DOCK3: variants seen among roughly 807,000 people sequenced by gnomAD.
DOCK3 encodes dedicator of cytokinesis 3.
Under a neutral mutation model 265.6 loss-of-function variants are expected in DOCK3, and 60 were observed. The observed-to-expected ratio is 0.23, with a 90% CI of 0.18 to 0.28. The LOEUF is 0.28. Ranked by LOEUF, DOCK3 falls within the 10% of genes least tolerant of loss-of-function variation. The probability of loss-of-function intolerance (pLI) is 1.00; values close to 1 mark genes in which losing one functional copy is unlikely to be tolerated. For synonymous variants in DOCK3, 881 were observed against 938.0 expected, an observed-to-expected ratio of 0.94 and a Z score of 1.11; for missense variants, 1,981 against 2,594.3, an observed-to-expected ratio of 0.76 and a Z score of 5.14.
intron 44 of DOCK3, 127 bp downstream of exon 44, chr3:51,357,268 C>A: frequency 9.3e-7 from 1 of 1,075,620 alleles, no homozygotes; most frequent in Non-Finnish European, 1.3e-6. Context: ...TGACATGGTC[C>A]TGGAATGAGG....
chr3:50,870,523 T>C (rs2047384376), intron 3 of DOCK3, among the ~76,000 whole-genome samples: 1 of 152,110 alleles, frequency 6.6e-6, no homozygotes. Context: ...GTGCTTCTTG[T>C]AAGCAAAAAA....
intron 27 of DOCK3, among the ~76,000 whole-genome samples, chr3:51,301,945 A>G (rs985442061): frequency 6.6e-6 from 1 of 152,078 alleles, no homozygotes; most frequent in Non-Finnish European, 1.5e-5. Context: ...TACCAGGTCC[A>G]TGTGATCCAG....
chr3:51,079,020 T>C (rs577954957), intron 7 of DOCK3, among the ~76,000 whole-genome samples: 21 of 152,346 alleles, frequency 1.4e-4, no homozygotes, highest in African/African-American at 4.8e-4. Context: ...ATATGTTAAA[T>C]TGCACAGTAA....
chr3:50,880,125 T>C (rs2047945212), intron 3 of DOCK3, among the ~76,000 whole-genome samples: 3 of 152,118 alleles, frequency 2.0e-5, no homozygotes, highest in African/African-American at 4.8e-5. Context: ...GGAACACATT[T>C]AAAGCAGTGT....
At chr3:50,710,954 T>C (rs1384962225) in intron 1 of DOCK3, among the ~76,000 whole-genome samples, 1 of 152,116 alleles carries the variant, frequency 6.6e-6, no homozygotes, top group Admixed American at 6.6e-5. Flanking sequence ...AGCTAAGCCA[T>C]GAGGATGTAA....
At chr3:50,843,392 C>A (rs1322339513) in intron 3 of DOCK3, among the ~76,000 whole-genome samples, 1 of 152,132 alleles carries the variant, frequency 6.6e-6, no homozygotes, top group Admixed American at 6.5e-5. Flanking sequence ...AACCAGACTT[C>A]TCTATGTAGT....
chr3:51,352,257 C>G (rs1325093732), intron 40 of DOCK3, among the ~76,000 whole-genome samples: 6 of 152,066 alleles, frequency 3.9e-5, no homozygotes, highest in Non-Finnish European at 7.4e-5. Flanking sequence ...TGTATAGATC[C>G]ACAATTTGTA....
chr3:50,870,910 C>T (rs1216456318), intron 3 of DOCK3, among the ~76,000 whole-genome samples: 1 of 152,042 alleles, frequency 6.6e-6, no homozygotes, highest in Non-Finnish European at 1.5e-5. Context: ...CACTTTAATT[C>T]CCCTGCTTTT....
chr3:50,984,310 T>C (rs941051561), intron 5 of DOCK3, among the ~76,000 whole-genome samples: 18 of 152,348 alleles, frequency 1.2e-4, no homozygotes, highest in African/African-American at 4.3e-4. Context: ...GTTTGCTTGC[T>C]CTACCAGGGA....
intron 5 of DOCK3, among the ~76,000 whole-genome samples, chr3:50,982,717 G>A (rs1263319220): frequency 2.0e-5 from 3 of 152,196 alleles, no homozygotes; most frequent in Non-Finnish European, 4.4e-5. Context: ...CACTGCCCTC[G>A]GGGTCACTGC....
At chr3:51,084,845 T>G (rs1048996795) in intron 7 of DOCK3, among the ~76,000 whole-genome samples, 1 of 152,176 alleles carries the variant, frequency 6.6e-6, no homozygotes, top group Non-Finnish European at 1.5e-5. Flanking sequence ...CAACCTTGAA[T>G]ATGAACTGTT....
At chr3:51,354,831 G>A in intron 40 of DOCK3, 51 bp from the exon 41 acceptor site, 1 of 1,587,938 alleles carries the variant, frequency 6.3e-7, no homozygotes. Flanking sequence ...GGGTGGAGGT[G>A]GGGGGCTACA....
rs574879639 is a variant in DOCK3, at chr3:51,214,811, G to A, written c.1252+564G>A. Among the ~76,000 whole-genome samples, 27 of 152,236 alleles carry A rather than the reference G, an allele frequency of 1.8e-4. 1 individual carries two copies. The South Asian group carries it at 5.0e-3, about 28-fold the overall frequency. The stretch of plus-strand genomic sequence containing the variant: ...TATCACCCATTTCATCTAATGCCCC[G>A]TGGAGAGCCAGGGCAGAAATTGGGA... On this transcript the variant is annotated intron_variant, in intron 14 of 52. Coordinates refer to ENST00000266037, the MANE Select transcript of DOCK3 (RefSeq NM_004947.5).
chr3:51,146,687 T>C (rs142777903), intron 10 of DOCK3, 57 bp downstream of exon 10: 1 of 1,461,844 alleles, frequency 6.8e-7, no homozygotes, highest in East Asian at 2.5e-5. Flanking sequence ...TGGCCTGCTA[T>C]GTGGATACTG....
intron 5 of DOCK3, among the ~76,000 whole-genome samples, chr3:50,962,958 G>A (rs903582546): frequency 2.1e-4 from 32 of 152,320 alleles, no homozygotes; most frequent in South Asian, 8.3e-4. Context: ...AGGCCGAGGC[G>A]GGTAGATCAC....
chr3:50,907,439 G>A (rs1379923551), intron 4 of DOCK3, among the ~76,000 whole-genome samples: 1 of 152,126 alleles, frequency 6.6e-6, no homozygotes, highest in Non-Finnish European at 1.5e-5. Context: ...GGTTGCTCCT[G>A]TATTGGGTGC....
At chr3:51,272,112 C>A (rs1054611859) in intron 24 of DOCK3, among the ~76,000 whole-genome samples, 3 of 152,178 alleles carry the variant, frequency 2.0e-5, no homozygotes, top group Non-Finnish European at 4.4e-5. Context: ...CTTGCAGGGA[C>A]AACCAAATGC....
At chr3:51,026,700 G>A (rs1162181126) in intron 5 of DOCK3, among the ~76,000 whole-genome samples, 2 of 151,842 alleles carry the variant, frequency 1.3e-5, no homozygotes, top group African/African-American at 4.8e-5. Context: ...TTTCTTCCTG[G>A]TTCAGTCTTG....
chr3:50,838,359 CCTTT>C (rs1192780231), intron 2 of DOCK3, among the ~76,000 whole-genome samples: 12 of 152,272 alleles, frequency 7.9e-5, no homozygotes, highest in South Asian at 2.1e-4. Flanking sequence ...AGAATGCCTT[CCTTT>C]CTTTAATTTT....
Sources: gnomAD v4.1 joint callset for allele counts (sites outside exome capture counted in the v4.1 genomes callset) on GRCh38, gnomAD v4.1.1 for gene constraint, MANE v1.5 for transcripts, NCBI Gene and HGNC (gene_info 2026-07-23, HGNC 2026-07-21) for gene names.